The following PCDH7 variants were observed in gnomAD, a reference collection of about 807,000 sequenced individuals.
The protein encoded by PCDH7 is protocadherin 7.
A neutral mutation model predicts 58.9 loss-of-function variants in PCDH7; 17 were observed. The ratio of observed to expected loss-of-function variants is 0.29; its 90% CI spans 0.20 to 0.43. The LOEUF is 0.43. Among genes scored for constraint, PCDH7 ranks in the 20% least tolerant of loss-of-function variants. The pLI is 1.00. For synonymous variants in PCDH7, 664 were observed against 616.4 expected, an observed-to-expected ratio of 1.08 and a Z score of -1.14; for missense variants, 1,274 against 1,441.0, an observed-to-expected ratio of 0.88 and a Z score of 1.88.
At chr4:30,841,518 C>T (rs575351940) in intron 1 of PCDH7, among the ~76,000 whole-genome samples, 1 of 152,096 alleles carries the variant, frequency 6.6e-6, no homozygotes, top group Non-Finnish European at 1.5e-5. Context: ...GCATTACCCT[C>T]CAGACATTCT....
At chr4:31,024,914 T>A (rs1164127908) in intron 3 of PCDH7, among the ~76,000 whole-genome samples, 1 of 152,118 alleles carries the variant, frequency 6.6e-6, no homozygotes, top group Non-Finnish European at 1.5e-5. Flanking sequence ...AACTAATTTT[T>A]GTATTTTTAG....
chr4:30,880,907 A>C, intron 1 of PCDH7, among the ~76,000 whole-genome samples: 1 of 152,124 alleles, frequency 6.6e-6, no homozygotes, highest in Admixed American at 6.6e-5. Flanking sequence ...TCAAACAATG[A>C]CATCAAGACT....
rs1280592193 is a variant in PCDH7, at chr4:31,134,858, T to G, written c.*8-7615T>G. On this transcript the variant is annotated intron_variant, in intron 3 of 3. Transcript: ENST00000509759. ...TCTCAGGATGGTGATCCCAAAGTTC[T>G]AAAGGTGAATGCAAAGTTGTGACCT... 2.0e-5 allele frequency among the ~76,000 whole-genome samples: 3 copies of G among 152,250 alleles called. No homozygotes were observed. In the East Asian group the frequency reaches 5.8e-4, roughly 30 times the overall value.
At chr4:30,948,154 A>G (rs1373477120) in intron 2 of PCDH7, among the ~76,000 whole-genome samples, 2 of 151,872 alleles carry the variant, frequency 1.3e-5, no homozygotes, top group East Asian at 1.9e-4. Context: ...ATAGTTTCTC[A>G]TAAGTATACT....
At chr4:30,774,359 T>A (rs192326294) in intron 1 of PCDH7, among the ~76,000 whole-genome samples, 241 of 152,342 alleles carry the variant, frequency 1.6e-3, no homozygotes, top group Non-Finnish European at 2.8e-3. Context: ...CCTAGCTTTT[T>A]AAAGTATTAC....
intron 1 of PCDH7, among the ~76,000 whole-genome samples, chr4:30,867,677 C>T (rs930139517): frequency 8.6e-5 from 13 of 151,920 alleles, no homozygotes; most frequent in South Asian, 2.1e-4. Context: ...TCACTGGTGC[C>T]GCCACTTCCT....
At chr4:31,038,565 T>C (rs1343900409) in intron 3 of PCDH7, among the ~76,000 whole-genome samples, 1 of 152,184 alleles carries the variant, frequency 6.6e-6, no homozygotes, top group African/African-American at 2.4e-5. Flanking sequence ...ATTGTATATC[T>C]TCAAAAGATA....
chr4:31,089,024 G>A (rs1466991404), intron 3 of PCDH7, among the ~76,000 whole-genome samples: 1 of 151,660 alleles, frequency 6.6e-6, no homozygotes, highest in Non-Finnish European at 1.5e-5. Context: ...TACATTTTTT[G>A]ACTGTTTCAG....
intron 3 of PCDH7, among the ~76,000 whole-genome samples, chr4:30,972,916 CTAGTT>C (rs890520264): frequency 6.6e-6 from 1 of 152,122 alleles, no homozygotes; most frequent in African/African-American, 2.4e-5. Flanking sequence ...TTGGTTCTTT[CTAGTT>C]TAAACAGTTC....
chr4:31,143,897 T>C (rs979852683), downstream of PCDH7: 1 of 152,166 alleles, frequency 6.6e-6, no homozygotes, highest in African/African-American at 2.4e-5. Flanking sequence ...AGATATATTT[T>C]TGGTATTATA....
At chr4:30,806,104 T>TG in intron 1 of PCDH7, among the ~76,000 whole-genome samples, 1 of 152,196 alleles carries the variant, frequency 6.6e-6, no homozygotes, top group Non-Finnish European at 1.5e-5. Context: ...TTTTTGGATT[T>TG]GGGATGCTCA....
intron 1 of PCDH7, among the ~76,000 whole-genome samples, chr4:30,907,735 C>A (rs550638122): frequency 8.5e-4 from 130 of 152,262 alleles, no homozygotes; most frequent in African/African-American, 3.1e-3. Flanking sequence ...TTTGACACAG[C>A]AATCCCATTA....
intron 1 of PCDH7, among the ~76,000 whole-genome samples, chr4:30,768,287 A>AGTATGCATACATCTTCCAAGTG (rs1347180494): frequency 6.6e-6 from 1 of 152,156 alleles, no homozygotes; most frequent in African/African-American, 2.4e-5. Context: ...TAATCCAAGT[A>AGTATGCATACATCTTCCAAGTG]GTATGCATAC....
intron 1 of PCDH7, among the ~76,000 whole-genome samples, chr4:30,785,361 T>C (rs1723261094): frequency 6.6e-6 from 1 of 152,030 alleles, no homozygotes; most frequent in South Asian, 2.1e-4. Context: ...ACATGAACTT[T>C]CTGAAACTTA....
chr4:30,762,749 T>C (rs1160284455), intron 1 of PCDH7, among the ~76,000 whole-genome samples: 1 of 152,194 alleles, frequency 6.6e-6, no homozygotes, highest in Non-Finnish European at 1.5e-5. Flanking sequence ...GCTTTATAAC[T>C]GTAAAGCCAG....
intron 2 of PCDH7, among the ~76,000 whole-genome samples, chr4:30,947,546 C>T (rs886165982): frequency 6.6e-6 from 1 of 152,138 alleles, no homozygotes. Flanking sequence ...CAGTTCTCTA[C>T]TCTATCAATT....
chr4:30,810,183 C>T (rs1240535976), intron 1 of PCDH7, among the ~76,000 whole-genome samples: 1 of 152,154 alleles, frequency 6.6e-6, no homozygotes, highest in Non-Finnish European at 1.5e-5. Context: ...GTTCACTTCT[C>T]ATAATAATTA....
Position 31,106,705 on chromosome 4 carries a change from A to G in PCDH7, c.*8-35768A>G, listed in dbSNP as rs759406454. Among the ~76,000 whole-genome samples the G allele has an allele frequency of 2.1e-4, 32 of 152,308 alleles. 1 individual carries two copies. Among genetic ancestry groups the G allele is most frequent in the Non-Finnish European group, 4.7e-4 (32 of 68,016 alleles). Reference sequence around the variant, plus strand: ...CACATCAGTTATCATGAAATTATTCATAACAGGAAAACAATACTGGGTGAA... The same window carrying G: ...CACATCAGTTATCATGAAATTATTCGTAACAGGAAAACAATACTGGGTGAA... On this transcript the variant is annotated intron_variant, in intron 3 of 3. Transcript: ENST00000509759.
At chr4:30,929,977 C>G (rs1162625505) in intron 2 of PCDH7, among the ~76,000 whole-genome samples, 2 of 152,084 alleles carry the variant, frequency 1.3e-5, no homozygotes, top group Non-Finnish European at 2.9e-5. Context: ...AATTCAATGA[C>G]CATTTGTTGA....
Sources: allele counts gnomAD v4.1 joint callset (sites outside exome capture counted in the v4.1 genomes callset), GRCh38; gene constraint gnomAD v4.1.1; transcripts MANE v1.5; gene names NCBI Gene and HGNC (gene_info 2026-07-23, HGNC 2026-07-21).